Variants in CADM2 observed in about 807,000 individuals in gnomAD.
The protein encoded by CADM2 is cell adhesion molecule 2.
Under a neutral mutation model 49.8 loss-of-function variants are expected in CADM2, and 12 were observed. The observed-to-expected ratio is 0.24, with a 90% confidence interval of 0.15 to 0.39. The LOEUF (loss-of-function observed/expected upper bound fraction) is 0.39. Among genes scored for constraint, CADM2 ranks in the 10% least tolerant of loss-of-function variants. CADM2 has a pLI of 1.00. For missense variants in CADM2, 378 were observed against 492.3 expected (o/e 0.77, Z 2.20); for synonymous variants, 214 against 175.4 (o/e 1.22, Z -1.74).
At position 85,603,069 on chromosome 3, in the gene CADM2, T is replaced by C. The variant is rs186021185; in HGVS notation, c.62-123453T>C. Among the ~76,000 whole-genome samples the C allele has an allele frequency of 2.0e-3, 306 of 152,050 alleles. 2 individuals carry two copies. Among genetic ancestry groups the C allele is most frequent in the Non-Finnish European group, 2.6e-3 (177 of 67,892 alleles). On this transcript the variant is annotated intron_variant, in intron 1 of 9. Transcript: ENST00000383699. The stretch of plus-strand genomic sequence containing the variant: ...CATGTTACTTTAAACACTGTGTTCA[T>C]GTCCCTTTCTCTACTAGCTGATAAA...
At chr3:85,887,754 T>A (rs1713863382) in intron 5 of CADM2, among the ~76,000 whole-genome samples, 4 of 152,130 alleles carry the variant, frequency 2.6e-5, no homozygotes, top group Admixed American at 2.6e-4. Flanking sequence ...CTCAGTAACA[T>A]CCATTCTAAT....
At chr3:85,073,280 T>C (rs1027415370) in intron 1 of CADM2, among the ~76,000 whole-genome samples, 8 of 152,138 alleles carry the variant, frequency 5.3e-5, no homozygotes, top group African/African-American at 1.9e-4. Flanking sequence ...ATACAGACTT[T>C]ACGTGATCTA....
chr3:85,153,096 T>C (rs1213865470), intron 1 of CADM2, among the ~76,000 whole-genome samples: 1 of 151,910 alleles, frequency 6.6e-6, no homozygotes, highest in Non-Finnish European at 1.5e-5. Flanking sequence ...GATGGCCAAA[T>C]AGGAACAGCT....
intron 2 of CADM2, among the ~76,000 whole-genome samples, chr3:85,733,411 G>A (rs1023780836): frequency 2.3e-4 from 35 of 152,146 alleles, no homozygotes; most frequent in African/African-American, 6.8e-4. Context: ...TCACTGTATA[G>A]GGATATTGAC....
At chr3:85,347,570 A>C (rs1365997237) in intron 1 of CADM2, among the ~76,000 whole-genome samples, 1 of 135,818 alleles carries the variant, frequency 7.4e-6, no homozygotes, top group Non-Finnish European at 1.5e-5. Flanking sequence ...CATATATATA[A>C]ATATATATAC....
intron 1 of CADM2, 143 bp downstream of exon 1, chr3:84,959,811 G>C: frequency 1.3e-6 from 1 of 767,514 alleles, no homozygotes; most frequent in African/African-American, 1.7e-5. Flanking sequence ...TGGTGCGGCA[G>C]GGGGCAGTGG....
intron 1 of CADM2, among the ~76,000 whole-genome samples, chr3:85,379,883 C>A (rs1295333278): frequency 6.6e-6 from 1 of 152,052 alleles, no homozygotes; most frequent in East Asian, 1.9e-4. Flanking sequence ...CCACATTCAG[C>A]TTTCATTATT....
chr3:85,945,716 T>A (rs1722595395), intron 7 of CADM2, among the ~76,000 whole-genome samples: 1 of 151,802 alleles, frequency 6.6e-6, no homozygotes, highest in Admixed American at 6.6e-5. Context: ...AGGCCTTTGA[T>A]AAAATTCAAC....
intron 6 of CADM2, among the ~76,000 whole-genome samples, chr3:85,926,459 C>T (rs1719890225): frequency 1.3e-5 from 2 of 152,016 alleles, no homozygotes; most frequent in South Asian, 2.1e-4. Context: ...AGTGGCTTCA[C>T]AATAGTGAGT....
At chr3:85,903,012 G>C (rs1716324890) in intron 5 of CADM2, among the ~76,000 whole-genome samples, 1 of 151,992 alleles carries the variant, frequency 6.6e-6, no homozygotes, top group Non-Finnish European at 1.5e-5. Context: ...CATATTATAT[G>C]TTTTTAATTC....
chr3:85,242,753 A>G (rs1472037265), intron 1 of CADM2, among the ~76,000 whole-genome samples: 1 of 151,808 alleles, frequency 6.6e-6, no homozygotes, highest in Non-Finnish European at 1.5e-5. Flanking sequence ...CAATTCAAAT[A>G]CATATTTTTC....
intron 2 of CADM2, among the ~76,000 whole-genome samples, chr3:85,785,953 T>A (rs1400381269): frequency 2.0e-5 from 3 of 152,096 alleles, no homozygotes; most frequent in Non-Finnish European, 2.9e-5. Flanking sequence ...AATCTATGAA[T>A]GATTTGAATT....
chr3:85,256,305 A>T (rs747429614), intron 1 of CADM2, among the ~76,000 whole-genome samples: 2 of 151,996 alleles, frequency 1.3e-5, no homozygotes, highest in Non-Finnish European at 2.9e-5. Flanking sequence ...CCCAACAAGG[A>T]TGTGTCATTT....
intron 2 of CADM2, among the ~76,000 whole-genome samples, chr3:85,746,647 G>A (rs907058891): frequency 2.6e-5 from 4 of 151,832 alleles, no homozygotes; most frequent in African/African-American, 9.7e-5. Flanking sequence ...TACACTTAAT[G>A]TCTCATGTCT....
chr3:84,972,189 TGGTTG>T (rs1440281770), intron 1 of CADM2, among the ~76,000 whole-genome samples: 2 of 152,210 alleles, frequency 1.3e-5, no homozygotes, highest in African/African-American at 2.4e-5. Context: ...GTAGACTGAG[TGGTTG>T]GAACCACATT....
chr3:85,816,287 T>C (rs1016293346), intron 3 of CADM2, among the ~76,000 whole-genome samples: 2 of 151,992 alleles, frequency 1.3e-5, no homozygotes, highest in Non-Finnish European at 2.9e-5. Flanking sequence ...AAGGTTATTA[T>C]ACTTAAAAAC....
At chr3:85,137,697 C>T (rs2039458246) in intron 1 of CADM2, among the ~76,000 whole-genome samples, 1 of 151,922 alleles carries the variant, frequency 6.6e-6, no homozygotes, top group Non-Finnish European at 1.5e-5. Context: ...TTTAAATGCA[C>T]GACAGTAATT....
At chr3:85,290,654 G>C (rs1222571401) in intron 1 of CADM2, among the ~76,000 whole-genome samples, 1 of 152,176 alleles carries the variant, frequency 6.6e-6, no homozygotes, top group African/African-American at 2.4e-5. Flanking sequence ...CTGCCTAACT[G>C]GGAGGCACCC....
At chr3:86,015,346 C>T (rs1279162057) in intron 8 of CADM2, among the ~76,000 whole-genome samples, 1 of 152,124 alleles carries the variant, frequency 6.6e-6, no homozygotes, top group Non-Finnish European at 1.5e-5. Context: ...TTTCCTTCTG[C>T]GTGTACTCTG....
Sources: gnomAD v4.1 joint callset for allele counts (sites outside exome capture counted in the v4.1 genomes callset) on GRCh38, gnomAD v4.1.1 for gene constraint, MANE v1.5 for transcripts, NCBI Gene and HGNC (gene_info 2026-07-23, HGNC 2026-07-21) for gene names.